The following HTR4 variants were observed in gnomAD, a reference collection of about 807,000 sequenced individuals.
HTR4 encodes the protein 5-hydroxytryptamine receptor 4.
A neutral mutation model predicts 36.8 loss-of-function variants in HTR4; 16 were observed. The ratio of observed to expected loss-of-function variants is 0.43; its 90% CI spans 0.29 to 0.66. The LOEUF (loss-of-function observed/expected upper bound fraction) is 0.66, where lower values mean the gene tolerates loss of function less well. Among genes scored for constraint, HTR4 ranks in the 30% least tolerant of loss-of-function variants. The pLI is 0.13. For missense variants in HTR4, 438 were observed against 490.9 expected (o/e 0.89, Z 1.02); for synonymous variants, 189 against 185.1 (o/e 1.02, Z -0.17).
chr5:148,513,795 C>G (rs1485186978), intron 5 of HTR4, among the ~76,000 whole-genome samples: 1 of 151,922 alleles, frequency 6.6e-6, no homozygotes, highest in Non-Finnish European at 1.5e-5. Context: ...TTCAATAATA[C>G]TTTTTAATTT....
chr5:148,485,384 A>G (rs1242819486), intron 6 of HTR4, among the ~76,000 whole-genome samples: 3 of 152,194 alleles, frequency 2.0e-5, no homozygotes, highest in Non-Finnish European at 2.9e-5. Flanking sequence ...GTTCTACTGT[A>G]TTGTCATTCA....
chr5:148,453,435 T>C (rs1755019938), intron 5 of HTR4, among the ~76,000 whole-genome samples: 1 of 152,238 alleles, frequency 6.6e-6, no homozygotes, highest in South Asian at 2.1e-4. Context: ...ATATTTTATG[T>C]TAAAATGGTG....
rs1429768503 is a variant in HTR4, at chr5:148,654,092, C to T, written c.-78G>A. 1.0e-6 allele frequency: 1 copy of T among 985,382 alleles called. No individual in the cohort carries two copies. The highest frequency in any genetic ancestry group is 1.1e-4 in the East Asian group (1 of 8,782). 61.0% of individuals were successfully genotyped at this position (985,382 alleles called of 1,614,324 possible). ...GCCAGAGGCGAGGGAGCGAGGTGCC[C>T]TGGCAGATTCGAGCGGCCACCCCCA... On this transcript the variant is annotated 5_prime_UTR_variant, in exon 1 of 7. Transcript: ENST00000377888.
intron 4 of HTR4, among the ~76,000 whole-genome samples, chr5:148,547,526 A>AAAAAT (rs373070134): frequency 0.4 from 49,700 of 124,746 alleles, 11,362 homozygotes; most frequent in Middle Eastern, 0.6. Context: ...CTCAAAAAAT[A>AAAAAT]AAAATAAAAT....
chr5:148,473,975 G>A (rs1249176381), downstream of HTR4, among the ~76,000 whole-genome samples: 1 of 151,972 alleles, frequency 6.6e-6, no homozygotes, highest in Admixed American at 6.6e-5. Context: ...CAGAATTCAA[G>A]AATGATTTTG....
chr5:148,560,206 A>T (rs200901887), intron 2 of HTR4, among the ~76,000 whole-genome samples: 134 of 39,692 alleles, frequency 3.4e-3, no homozygotes, highest in Non-Finnish European at 4.7e-3. Context: ...CTTTTTTTTT[A>T]AAAAAAAAAA....
chr5:148,527,177 T>A (rs1758321029), intron 4 of HTR4, among the ~76,000 whole-genome samples: 1 of 152,142 alleles, frequency 6.6e-6, no homozygotes, highest in Non-Finnish European at 1.5e-5. Context: ...CCATAAAATT[T>A]AAAATATTTT....
chr5:148,533,347 G>A (rs1327482474), intron 4 of HTR4, among the ~76,000 whole-genome samples: 1 of 152,152 alleles, frequency 6.6e-6, no homozygotes, highest in African/African-American at 2.4e-5. Flanking sequence ...CAAAAGTATT[G>A]CTCATAAAAC....
intron 2 of HTR4, among the ~76,000 whole-genome samples, chr5:148,576,486 AC>A (rs1257116433): frequency 6.6e-6 from 1 of 152,080 alleles, no homozygotes; most frequent in African/African-American, 2.4e-5. Flanking sequence ...TTTATATGGA[AC>A]CAATAAAGAG....
exon 6 of HTR4, chr5:148,451,043 C>T: frequency 7.1e-7 from 1 of 1,416,412 alleles, no homozygotes; most frequent in South Asian, 1.3e-5. Flanking sequence ...CAACACTGTC[C>T]TCCATGTACC....
At chr5:148,577,406 T>C (rs1248688845) in intron 2 of HTR4, among the ~76,000 whole-genome samples, 2 of 152,102 alleles carry the variant, frequency 1.3e-5, no homozygotes, top group Non-Finnish European at 2.9e-5. Flanking sequence ...GAAAGCAGTA[T>C]AGTGATTCCG....
intron 6 of HTR4, among the ~76,000 whole-genome samples, chr5:148,485,168 A>C (rs756828601): frequency 6.6e-6 from 1 of 152,238 alleles, no homozygotes; most frequent in Non-Finnish European, 1.5e-5. Flanking sequence ...CGATAAAAAC[A>C]ACCACCTATT....
intron 1 of HTR4, among the ~76,000 whole-genome samples, chr5:148,643,137 C>G (rs1753778646): frequency 6.6e-6 from 1 of 152,106 alleles, no homozygotes; most frequent in African/African-American, 2.4e-5. Context: ...TTGAAATACA[C>G]CTATACTGAT....
intron 6 of HTR4, among the ~76,000 whole-genome samples, chr5:148,503,697 C>T (rs2113758666): frequency 6.6e-6 from 1 of 152,202 alleles, no homozygotes; most frequent in Non-Finnish European, 1.5e-5. Context: ...CACAGACTGG[C>T]AAATTGGATA....
chr5:148,610,525 G>C (rs918679074), intron 2 of HTR4, among the ~76,000 whole-genome samples: 3 of 152,004 alleles, frequency 2.0e-5, no homozygotes, highest in African/African-American at 7.3e-5. Flanking sequence ...AAACCCATCT[G>C]TACATCACCA....
chr5:148,528,121 A>C (rs1758375259), intron 4 of HTR4, among the ~76,000 whole-genome samples: 1 of 152,210 alleles, frequency 6.6e-6, no homozygotes, highest in Non-Finnish European at 1.5e-5. Flanking sequence ...AAAATTATCA[A>C]TAAGTAAAGG....
chr5:148,504,448 G>A (rs1404315457), intron 6 of HTR4, among the ~76,000 whole-genome samples: 2 of 152,200 alleles, frequency 1.3e-5, no homozygotes, highest in African/African-American at 2.4e-5. Flanking sequence ...AAACCAGTGA[G>A]AACAAAGACA....
At chr5:148,615,552 G>C (rs1392999814) in intron 2 of HTR4, among the ~76,000 whole-genome samples, 1 of 102,420 alleles carries the variant, frequency 9.8e-6, no homozygotes, top group African/African-American at 3.8e-5. Context: ...AGGGGGGAGG[G>C]ATAGCATTGG....
chr5:148,501,246 A>T (rs1296251618), intron 6 of HTR4, among the ~76,000 whole-genome samples: 1 of 152,204 alleles, frequency 6.6e-6, no homozygotes, highest in Non-Finnish European at 1.5e-5. Context: ...AAAAAACAAG[A>T]TGTAGAAAAG....
Sources: gnomAD v4.1 joint callset for allele counts (sites outside exome capture counted in the v4.1 genomes callset) on GRCh38, gnomAD v4.1.1 for gene constraint, MANE v1.5 for transcripts, NCBI Gene and HGNC (gene_info 2026-07-23, HGNC 2026-07-21) for gene names.